PPP1R42: variants seen among roughly 807,000 people sequenced by gnomAD.
The protein encoded by PPP1R42 is leucine rich repeat containing 67.
PPP1R42 carries 34 observed loss-of-function variants against 31.0 expected under a neutral mutation model. That is an observed-to-expected ratio of 1.10 (90% CI 0.83 to 1.46). PPP1R42 has a LOEUF of 1.46. Ranked by LOEUF, PPP1R42 falls within the 40% of genes most tolerant of loss-of-function variation. The probability of loss-of-function intolerance (pLI) is 0.00; values close to 1 mark genes in which losing one functional copy is unlikely to be tolerated. For missense variants in PPP1R42, 268 were observed against 303.0 expected (o/e 0.88, Z 0.86); for synonymous variants, 103 against 109.8 (o/e 0.94, Z 0.39).
At chr8:67,002,390 G>A (rs1000066143) in intron 5 of PPP1R42, among the ~76,000 whole-genome samples, 2 of 152,044 alleles carry the variant, frequency 1.3e-5, no homozygotes, top group African/African-American at 4.8e-5. Context: ...GTAGAGACGT[G>A]GTTTCACCAT....
chr8:67,013,571 C>G (rs1264389986), intron 3 of PPP1R42, among the ~76,000 whole-genome samples: 2 of 146,550 alleles, frequency 1.4e-5, no homozygotes, highest in African/African-American at 5.5e-5. Context: ...AATAAGCAAG[C>G]CAGTCAGTTA....
chr8:66,997,890 A>T (rs1815379471), intron 5 of PPP1R42, among the ~76,000 whole-genome samples: 1 of 152,134 alleles, frequency 6.6e-6, no homozygotes, highest in Admixed American at 6.5e-5. Context: ...CTTTTCTTAT[A>T]AATTTTAGGG....
chr8:66,979,150 T>C (rs1054127093), intron 7 of PPP1R42, among the ~76,000 whole-genome samples: 8 of 152,188 alleles, frequency 5.3e-5, no homozygotes, highest in African/African-American at 1.9e-4. Context: ...CTGAAGCATT[T>C]CCTCTGTTTT....
intron 1 of PPP1R42, among the ~76,000 whole-genome samples, chr8:67,018,266 G>A (rs1816079931): frequency 9.0e-5 from 1 of 11,104 alleles, no homozygotes. Context: ...ACAGGAGCGT[G>A]CTACCACGCC....
intron 5 of PPP1R42, among the ~76,000 whole-genome samples, chr8:67,005,285 C>T (rs1229106812): frequency 6.6e-6 from 1 of 151,998 alleles, no homozygotes; most frequent in Non-Finnish European, 1.5e-5. Flanking sequence ...TCATTCAGTG[C>T]AGGTGGCCAC....
intron 5 of PPP1R42, among the ~76,000 whole-genome samples, chr8:66,993,792 A>C (rs1029074365): frequency 6.6e-6 from 1 of 152,200 alleles, no homozygotes; most frequent in Non-Finnish European, 1.5e-5. Context: ...CCCATTGTCT[A>C]GCAAGTACTG....
chr8:67,001,198 G>A lies in PPP1R42; in HGVS notation c.552+9517C>T, dbSNP rs190994018. ...ACTCACATATCTTTATATATAAAAT[G>A]TGTTTCTCTAGAGAGTACCATTGGA... is the stretch of plus-strand genomic sequence containing the variant. On this transcript the variant is annotated intron_variant, in intron 5 of 7. Coordinates refer to ENST00000685739, the MANE Select transcript of PPP1R42 (RefSeq NM_001364910.1). Among the ~76,000 whole-genome samples the A allele has an allele frequency of 9.6e-4, 141 of 146,402 alleles. 1 individual carries two copies. The highest frequency in any genetic ancestry group is 3.3e-3 in the African/African-American group (132 of 40,188).
At chr8:67,013,403 T>G (rs1815903841) in intron 3 of PPP1R42, among the ~76,000 whole-genome samples, 1 of 151,936 alleles carries the variant, frequency 6.6e-6, no homozygotes, top group Non-Finnish European at 1.5e-5. Context: ...TAACCATTTT[T>G]GGGTTGTAGG....
At chr8:66,965,260 T>A (rs1814347809) in intron 7 of PPP1R42, among the ~76,000 whole-genome samples, 1 of 135,818 alleles carries the variant, frequency 7.4e-6, no homozygotes, top group African/African-American at 2.9e-5. Flanking sequence ...TGAGACTCCG[T>A]CTCAAAAAAA....
chr8:66,978,347 G>A (rs895647956), intron 7 of PPP1R42, among the ~76,000 whole-genome samples: 3 of 152,068 alleles, frequency 2.0e-5, no homozygotes, highest in East Asian at 1.9e-4. Context: ...CTCCCACCAC[G>A]TCCCTCCCAC....
intron 1 of PPP1R42, among the ~76,000 whole-genome samples, chr8:67,020,562 A>C (rs1411961426): frequency 1.3e-5 from 2 of 152,228 alleles, no homozygotes; most frequent in African/African-American, 4.8e-5. Context: ...CTTACTAGTT[A>C]GGCATCTTGG....
chr8:67,010,942 G>A, intron 4 of PPP1R42, 111 bp from the exon 5 acceptor site: 2 of 995,882 alleles, frequency 2.0e-6, no homozygotes, highest in South Asian at 2.7e-5. Context: ...AGGTTGTTTT[G>A]TTCTTTAGGC....
chr8:66,969,550 C>A (rs770915815), intron 7 of PPP1R42, among the ~76,000 whole-genome samples: 5 of 152,236 alleles, frequency 3.3e-5, no homozygotes, highest in Admixed American at 1.3e-4. Context: ...TCCATACCCA[C>A]AGACCTTCTC....
At chr8:66,982,259 G>A (rs1814864151) in intron 6 of PPP1R42, 79 bp from the exon 7 acceptor site, 3 of 656,850 alleles carry the variant, frequency 4.6e-6, no homozygotes, top group Non-Finnish European at 6.7e-6. Context: ...CTGGTTCAGA[G>A]CACAGAAACT....
intron 5 of PPP1R42, among the ~76,000 whole-genome samples, chr8:66,989,902 A>T (rs1350764996): frequency 2.6e-5 from 4 of 152,200 alleles, no homozygotes; most frequent in Non-Finnish European, 5.9e-5. Flanking sequence ...GAAAGTAATA[A>T]ATGTGTCAGT....
At chr8:66,981,309 G>A (rs1814826686) in intron 7 of PPP1R42, among the ~76,000 whole-genome samples, 1 of 152,046 alleles carries the variant, frequency 6.6e-6, no homozygotes, top group South Asian at 2.1e-4. Flanking sequence ...TGCATAAGAA[G>A]GGAGACAGTC....
chr8:66,982,700 C>T (rs1267923600), intron 6 of PPP1R42, among the ~76,000 whole-genome samples: 3 of 152,128 alleles, frequency 2.0e-5, no homozygotes, highest in Admixed American at 2.0e-4. Flanking sequence ...TTAAGCAATC[C>T]GCCTGCCTTG....
At chr8:66,984,745 G>A (rs761099916) in intron 6 of PPP1R42, 17 of 1,608,216 alleles carry the variant, frequency 1.1e-5, no homozygotes, top group South Asian at 4.4e-5. Flanking sequence ...TTCTACCTTC[G>A]TGGGGTCTTG....
intron 1 of PPP1R42, among the ~76,000 whole-genome samples, chr8:67,027,896 T>C (rs1476787633): frequency 6.6e-6 from 1 of 152,188 alleles, no homozygotes; most frequent in Admixed American, 6.5e-5. Context: ...AGAGCTTCTT[T>C]ACAGGCTCTA....
Sources: allele counts gnomAD v4.1 joint callset (sites outside exome capture counted in the v4.1 genomes callset), GRCh38; gene constraint gnomAD v4.1.1; transcripts MANE v1.5; gene names NCBI Gene and HGNC (gene_info 2026-07-23, HGNC 2026-07-21).